The following ACOXL variants were observed in gnomAD, a reference collection of about 807,000 sequenced individuals.
ACOXL encodes acyl-CoA oxidase like.
A neutral mutation model predicts 71.9 loss-of-function variants in ACOXL; 70 were observed. The ratio of observed to expected loss-of-function variants is 0.97; its 90% confidence interval spans 0.80 to 1.19. ACOXL has a LOEUF of 1.19. ACOXL is among the 50% of genes most tolerant of loss of function. The pLI is 0.00. For synonymous variants in ACOXL, 253 were observed against 281.6 expected (o/e 0.90, Z 1.02); for missense variants, 703 against 736.3 (o/e 0.95, Z 0.52).
chr2:110,933,680 G>A (rs760825779), intron 12 of ACOXL, 38 bp downstream of exon 12: 4 of 1,579,654 alleles, frequency 2.5e-6, no homozygotes, highest in South Asian at 1.1e-5. Context: ...GGGTCCCCAC[G>A]ATACAACCCA....
At chr2:111,011,742 G>A (rs1364223848) in intron 14 of ACOXL, among the ~76,000 whole-genome samples, 1 of 152,034 alleles carries the variant, frequency 6.6e-6, no homozygotes, top group African/African-American at 2.4e-5. Context: ...AATTAGCTGG[G>A]TGTGGTGGTA....
At chr2:110,742,973 G>T (rs957360496) in intron 1 of ACOXL, among the ~76,000 whole-genome samples, 1 of 152,176 alleles carries the variant, frequency 6.6e-6, no homozygotes, top group African/African-American at 2.4e-5. Flanking sequence ...GTGGCATTTA[G>T]TGTGTTCTCA....
chr2:110,955,933 A>ATTTT lies in ACOXL; in HGVS notation c.1059+22311_1059+22314dup, dbSNP rs67285328. Among the ~76,000 whole-genome samples the ATTTT allele has an allele frequency of 5.2e-4, 53 of 101,752 alleles. 1 individual carries two copies. The highest frequency in any genetic ancestry group is 6.9e-4 in the Non-Finnish European group (36 of 51,942). 66.8% of individuals were successfully genotyped at this position (101,752 alleles called of 152,430 possible). A position where few individuals can be genotyped will look rare whatever the true frequency, so the allele number is the denominator to read the frequency against. On this transcript the variant is annotated intron_variant, in intron 12 of 17. Transcript: ENST00000439055. ...TTTTCCTTTCTGGAACTTGCCACAGATTTTTTTTTTTTTTTTTTTTTTTGA... is the reference window on the plus strand; with the variant it reads ...TTTTCCTTTCTGGAACTTGCCACAGATTTTTTTTTTTTTTTTTTTTTTTTTTTGA...
chr2:110,867,306 A>C (rs951800238), intron 10 of ACOXL, among the ~76,000 whole-genome samples: 2 of 152,104 alleles, frequency 1.3e-5, no homozygotes, highest in Non-Finnish European at 2.9e-5. Context: ...CTGGAGGAAG[A>C]GGCCTGGGGG....
At chr2:110,794,047 A>G in intron 4 of ACOXL, 29 bp from the exon 5 acceptor site, 1 of 1,608,636 alleles carries the variant, frequency 6.2e-7, no homozygotes, top group Non-Finnish European at 8.5e-7. Context: ...TGACCAGCTA[A>G]TTCCCTTCTA....
At chr2:110,849,066 C>A (rs1692275697) in intron 10 of ACOXL, among the ~76,000 whole-genome samples, 1 of 152,230 alleles carries the variant, frequency 6.6e-6, no homozygotes. Flanking sequence ...TTATCGTCTC[C>A]TTTTCAGATC....
intron 10 of ACOXL, among the ~76,000 whole-genome samples, chr2:110,864,988 T>A (rs1293237615): frequency 6.6e-6 from 1 of 151,970 alleles, no homozygotes; most frequent in African/African-American, 2.4e-5. Context: ...AGTTGGGGCA[T>A]GGGAAGTGAC....
At chr2:110,739,388 C>T (rs1303985608) in intron 1 of ACOXL, among the ~76,000 whole-genome samples, 1 of 152,222 alleles carries the variant, frequency 6.6e-6, no homozygotes, top group African/African-American at 2.4e-5. Flanking sequence ...AGGCCCCAGG[C>T]TCTCCATGCA....
chr2:110,779,702 A>T (rs1033853919), intron 2 of ACOXL, among the ~76,000 whole-genome samples: 2 of 152,240 alleles, frequency 1.3e-5, no homozygotes, highest in African/African-American at 4.8e-5. Context: ...AGGCAATTCA[A>T]TGGGAAAAGC....
At chr2:110,945,753 G>A (rs116218689) in intron 12 of ACOXL, among the ~76,000 whole-genome samples, 3 of 152,114 alleles carry the variant, frequency 2.0e-5, no homozygotes, top group Non-Finnish European at 4.4e-5. Context: ...TAGCCTTGTA[G>A]TATCATTTGA....
chr2:110,986,574 C>T (rs1326045104), intron 12 of ACOXL, among the ~76,000 whole-genome samples: 3 of 152,182 alleles, frequency 2.0e-5, no homozygotes, highest in Non-Finnish European at 2.9e-5. Context: ...GTTTCTGCAG[C>T]GGGCTAGCCA....
rs147734985 is a variant in ACOXL, at chr2:110,913,003, A to G, written c.905+4098A>G. Reference sequence around the variant, plus strand: ...TACAAATAACCAATAAGCACATGAAAAAGTTCTAAAAGTCATTATTTGTCA... The same window carrying G: ...TACAAATAACCAATAAGCACATGAAGAAGTTCTAAAAGTCATTATTTGTCA... On this transcript the variant is annotated intron_variant, in intron 11 of 17. Transcript: ENST00000439055. Among the ~76,000 whole-genome samples the G allele has an allele frequency of 7.7e-3, 1,173 of 152,328 alleles. 17 individuals carry two copies. Among genetic ancestry groups the G allele is most frequent in the African/African-American group, 0.026 (1,089 of 41,574 alleles).
chr2:110,781,703 G>C (rs1683361724), intron 2 of ACOXL, among the ~76,000 whole-genome samples: 1 of 152,012 alleles, frequency 6.6e-6, no homozygotes. Context: ...CAGACTTGGG[G>C]TCTTTTGGAG....
chr2:111,079,835 T>C (rs1295834666), intron 16 of ACOXL, among the ~76,000 whole-genome samples: 2 of 142,586 alleles, frequency 1.4e-5, no homozygotes, highest in Non-Finnish European at 3.1e-5. Flanking sequence ...TTTTTTTTTT[T>C]AATTCTGAAA....
At chr2:110,935,908 C>T (rs184386978) in intron 12 of ACOXL, among the ~76,000 whole-genome samples, 7 of 152,144 alleles carry the variant, frequency 4.6e-5, no homozygotes, top group Admixed American at 3.3e-4. Context: ...TGTTCTGCCT[C>T]AGATCCTCAG....
chr2:111,060,508 T>A (rs2066762314), intron 16 of ACOXL, among the ~76,000 whole-genome samples: 1 of 152,074 alleles, frequency 6.6e-6, no homozygotes. Flanking sequence ...TGTATCACCC[T>A]CCCCTGATGG....
At chr2:110,776,543 C>T (rs1405963183) in intron 2 of ACOXL, among the ~76,000 whole-genome samples, 10 of 152,020 alleles carry the variant, frequency 6.6e-5, no homozygotes, top group Non-Finnish European at 1.3e-4. Flanking sequence ...GGTGGGGGAG[C>T]GAGACAGCTG....
At chr2:110,943,562 G>A (rs1490986645) in intron 12 of ACOXL, among the ~76,000 whole-genome samples, 2 of 152,150 alleles carry the variant, frequency 1.3e-5, no homozygotes, top group Non-Finnish European at 2.9e-5. Flanking sequence ...TACAGAATGA[G>A]CAGAAGTCAC....
At chr2:110,748,776 C>T (rs1678559203) in intron 1 of ACOXL, among the ~76,000 whole-genome samples, 1 of 152,194 alleles carries the variant, frequency 6.6e-6, no homozygotes, top group Non-Finnish European at 1.5e-5. Flanking sequence ...TTTCTTTGCT[C>T]TCCGCCTTTG....
Sources: gnomAD v4.1 joint callset for allele counts (sites outside exome capture counted in the v4.1 genomes callset) on GRCh38, gnomAD v4.1.1 for gene constraint, MANE v1.5 for transcripts, NCBI Gene and HGNC (gene_info 2026-07-23, HGNC 2026-07-21) for gene names.